Variants in SLIT2 observed in about 807,000 individuals in gnomAD.
SLIT2 encodes slit guidance ligand 2, also known as slit homolog 2 protein.
In SLIT2, 41 loss-of-function variants were observed where a neutral mutation model predicts 185.7. That is an observed-to-expected ratio of 0.22 (90% CI 0.17 to 0.29). SLIT2 has a LOEUF of 0.29. Ranked by LOEUF, SLIT2 falls within the 10% of genes least tolerant of loss-of-function variation. SLIT2 has a pLI of 1.00. For synonymous variants in SLIT2, 693 were observed against 680.2 expected (o/e 1.02, Z -0.29); for missense variants, 1,571 against 1,909.0 (o/e 0.82, Z 3.30).
chr4:20,566,073 G>A (rs1725066904), intron 26 of SLIT2, among the ~76,000 whole-genome samples: 2 of 152,028 alleles, frequency 1.3e-5, no homozygotes, highest in African/African-American at 4.8e-5. Flanking sequence ...ATAATTTGAT[G>A]CAGGTAGTTT....
chr4:20,402,326 A>G (rs985029435), intron 4 of SLIT2, among the ~76,000 whole-genome samples: 79 of 151,938 alleles, frequency 5.2e-4, no homozygotes, highest in African/African-American at 1.9e-3. Context: ...GCCAGAATAA[A>G]AAACAAAGTT....
chr4:20,518,766 G>A (rs1435710438), intron 11 of SLIT2, among the ~76,000 whole-genome samples: 4 of 141,786 alleles, frequency 2.8e-5, no homozygotes, highest in Admixed American at 7.1e-5. Flanking sequence ...CACCACGCCC[G>A]GCTAATTTTT....
At chr4:20,325,182 A>C (rs1719457878) in intron 4 of SLIT2, among the ~76,000 whole-genome samples, 1 of 151,764 alleles carries the variant, frequency 6.6e-6, no homozygotes, top group African/African-American at 2.4e-5. Flanking sequence ...CCATATACAA[A>C]ATCAAGCAAT....
chr4:20,491,176 C>T (rs1050775731), intron 8 of SLIT2, among the ~76,000 whole-genome samples: 3 of 152,136 alleles, frequency 2.0e-5, no homozygotes, highest in African/African-American at 7.2e-5. Flanking sequence ...AATAAGATGA[C>T]TTTATACAAA....
rs1287748291 is a variant in SLIT2, at chr4:20,619,765, GTTT to G, written c.*757_*759del. 2.6e-5 allele frequency: 4 copies of G among 151,902 alleles called. No homozygotes were observed. The highest frequency in any genetic ancestry group is 9.7e-5 in the African/African-American group (4 of 41,320). 9.4% of individuals were successfully genotyped at this position (151,902 alleles called of 1,614,324 possible). On this transcript the variant is annotated 3_prime_UTR_variant, in exon 37 of 37. Coordinates refer to ENST00000504154, the MANE Select transcript of SLIT2 (RefSeq NM_004787.4). ...TCTAAACAGCCCTATACAGTATTCA[GTTT>G]CCATGAGAAATATTTATTGTATCAA...
chr4:20,259,425 C>T (rs1363003460), intron 3 of SLIT2, among the ~76,000 whole-genome samples: 2 of 151,480 alleles, frequency 1.3e-5, no homozygotes, highest in African/African-American at 4.8e-5. Context: ...TTTTAGTCAC[C>T]ACAGGAAAGT....
rs544415997 is a variant in SLIT2, at chr4:20,464,919, C to T, written c.396-2833C>T. On this transcript the variant is annotated intron_variant, in intron 4 of 36. Coordinates refer to ENST00000504154, the MANE Select transcript of SLIT2 (RefSeq NM_004787.4). ...TACTCGATTTGAAAATTCTTAAAGACAGGAAATTGGCCTTACCCAACTCAG... is the reference window on the plus strand; with the variant it reads ...TACTCGATTTGAAAATTCTTAAAGATAGGAAATTGGCCTTACCCAACTCAG... Among the ~76,000 whole-genome samples, 5 of 152,176 alleles carry T rather than the reference C, an allele frequency of 3.3e-5. No individual in the cohort carries two copies. The South Asian group carries it at 1.0e-3, about 32-fold the overall frequency.
chr4:20,601,831 A>C (rs936457939), intron 33 of SLIT2, among the ~76,000 whole-genome samples: 2 of 152,186 alleles, frequency 1.3e-5, no homozygotes, highest in Non-Finnish European at 1.5e-5. Flanking sequence ...TTTCCACTTA[A>C]GTTCAGTTTT....
intron 9 of SLIT2, among the ~76,000 whole-genome samples, chr4:20,498,063 C>T (rs1718394091): frequency 6.6e-6 from 1 of 152,092 alleles, no homozygotes; most frequent in Non-Finnish European, 1.5e-5. Flanking sequence ...GTCCCAGCTA[C>T]TTGGGAGGCT....
At chr4:20,458,203 T>C (rs1263460689) in intron 4 of SLIT2, among the ~76,000 whole-genome samples, 3 of 151,994 alleles carry the variant, frequency 2.0e-5, no homozygotes, top group South Asian at 4.2e-4. Flanking sequence ...TCAAAGTGGG[T>C]GAAATGGTAA....
intron 4 of SLIT2, among the ~76,000 whole-genome samples, chr4:20,371,262 C>T (rs79977335): frequency 0.02 from 3,056 of 152,092 alleles, 88 homozygotes; most frequent in African/African-American, 0.068. Context: ...GTCACTCATA[C>T]ACTAACACAC....
At chr4:20,335,959 G>A (rs1720468059) in intron 4 of SLIT2, among the ~76,000 whole-genome samples, 1 of 152,068 alleles carries the variant, frequency 6.6e-6, no homozygotes, top group South Asian at 2.1e-4. Context: ...TAGATGTAGA[G>A]AGGTAGAAAA....
chr4:20,406,235 A>C lies in SLIT2; in HGVS notation c.396-61517A>C, dbSNP rs1282093257. Among the ~76,000 whole-genome samples, 2 of 144,390 alleles carry C rather than the reference A, an allele frequency of 1.4e-5. 1 individual carries two copies. The highest frequency in any genetic ancestry group is 3.1e-5 in the Non-Finnish European group (2 of 64,774). 94.7% of individuals were successfully genotyped at this position (144,390 alleles called of 152,430 possible). A position where few individuals can be genotyped will look rare whatever the true frequency, so the allele number is the denominator to read the frequency against. ...TGCAGATATCATAGAATAGTTTCCA[A>C]ATCCTTGGTTAGGCATTATTGTTTT... is the stretch of plus-strand genomic sequence containing the variant. On this transcript the variant is annotated intron_variant, in intron 4 of 36. Transcript: ENST00000504154.
At chr4:20,276,591 A>AAAACAAAC (rs10692943) in intron 4 of SLIT2, among the ~76,000 whole-genome samples, 22 of 151,160 alleles carry the variant, frequency 1.5e-4, no homozygotes, top group Non-Finnish European at 3.0e-4. Context: ...TGTTAAAAAC[A>AAAACAAAC]AAACAAACAA....
intron 29 of SLIT2, among the ~76,000 whole-genome samples, chr4:20,586,418 T>G (rs1727070790): frequency 6.6e-6 from 1 of 152,174 alleles, no homozygotes; most frequent in Admixed American, 6.5e-5. Flanking sequence ...TGACTATTAT[T>G]TGAGTATGTC....
At chr4:20,474,034 G>A (rs1278919986) in intron 5 of SLIT2, among the ~76,000 whole-genome samples, 10 of 152,030 alleles carry the variant, frequency 6.6e-5, no homozygotes, top group African/African-American at 2.4e-4. Flanking sequence ...TGAAGCTGAA[G>A]AGACTGCAAA....
In SLIT2 at chr4:20,252,925, C is replaced by T. The variant is rs1315253545; in HGVS notation, c.-891C>T. Reference sequence around the variant, plus strand: ...GCAGCTCTCATCCTCCACTTGGCCTCTTGGAGTTCCTCGCCGGAGTGCTGA... The same window carrying T: ...GCAGCTCTCATCCTCCACTTGGCCTTTTGGAGTTCCTCGCCGGAGTGCTGA... On this transcript the variant is annotated 5_prime_UTR_variant, in exon 1 of 37. Transcript: ENST00000504154. Among the ~76,000 whole-genome samples, 5 of 152,320 alleles carry T rather than the reference C, an allele frequency of 3.3e-5. No homozygotes were observed. The South Asian group carries it at 8.3e-4, about 25-fold the overall frequency.
chr4:20,391,597 G>T (rs1057462708), intron 4 of SLIT2, among the ~76,000 whole-genome samples: 1 of 152,136 alleles, frequency 6.6e-6, no homozygotes, highest in African/African-American at 2.4e-5. Context: ...ATACTTTGAA[G>T]TGCCAGGTTA....
chr4:20,278,623 GACAAA>G (rs1245449111), intron 4 of SLIT2, among the ~76,000 whole-genome samples: 1 of 151,352 alleles, frequency 6.6e-6, no homozygotes, highest in East Asian at 1.9e-4. Flanking sequence ...TTAGTTGCAA[GACAAA>G]ACAAACAAAA....
Sources: gnomAD v4.1 joint callset for allele counts (sites outside exome capture counted in the v4.1 genomes callset) on GRCh38, gnomAD v4.1.1 for gene constraint, MANE v1.5 for transcripts, NCBI Gene and HGNC (gene_info 2026-07-23, HGNC 2026-07-21) for gene names.